The following SHISAL1 variants were observed in gnomAD, a reference collection of about 807,000 sequenced individuals.
The protein encoded by SHISAL1 is shisa like 1.
Under a neutral mutation model 22.6 loss-of-function variants are expected in SHISAL1, and 9 were observed. That is an observed-to-expected ratio of 0.40 (90% CI 0.24 to 0.70). SHISAL1 has a LOEUF of 0.70. Among genes scored for constraint, SHISAL1 ranks in the 30% least tolerant of loss-of-function variants. The probability of loss-of-function intolerance (pLI) is 0.39; values close to 1 mark genes in which losing one functional copy is unlikely to be tolerated. For missense variants in SHISAL1, 246 were observed against 270.6 expected (o/e 0.91, Z 0.64); for synonymous variants, 119 against 115.4 (o/e 1.03, Z -0.20).
intron 4 of SHISAL1, among the ~76,000 whole-genome samples, chr22:44,274,774 CTGTG>C (rs1349185006): frequency 6.6e-6 from 1 of 152,226 alleles, no homozygotes; most frequent in Non-Finnish European, 1.5e-5. Context: ...GCAGTCCTAT[CTGTG>C]TGTGAGCGGG....
At chr22:44,296,594 A>G in intron 3 of SHISAL1, 78 bp downstream of exon 3, 2 of 1,299,018 alleles carry the variant, frequency 1.5e-6, no homozygotes, top group Non-Finnish European at 2.2e-6. Flanking sequence ...CCGCCTCCCT[A>G]GGGGACGCGA....
At chr22:44,274,126 A>G (rs1427960095) in intron 4 of SHISAL1, among the ~76,000 whole-genome samples, 1 of 140,164 alleles carries the variant, frequency 7.1e-6, no homozygotes, top group Non-Finnish European at 1.5e-5. Context: ...GGTGTCTGTA[A>G]TCCCAGCTAC....
At chr22:44,301,161 C>A (rs1170334276) in intron 1 of SHISAL1, among the ~76,000 whole-genome samples, 184 bp from the exon 2 acceptor site, 3 of 152,202 alleles carry the variant, frequency 2.0e-5, no homozygotes, top group African/African-American at 7.2e-5. Context: ...AATGACCTTC[C>A]CCCACAAGCC....
intron 4 of SHISAL1, among the ~76,000 whole-genome samples, chr22:44,263,079 C>CTTTCTTTTTTTTTTTTTT (rs55901041): frequency 1.1e-5 from 1 of 88,268 alleles, no homozygotes; most frequent in Non-Finnish European, 2.2e-5. Flanking sequence ...TTCTTTCTTT[C>CTTTCTTTTTTTTTTTTTT]TTTTTTTTTT....
the SHISAL1 span, among the ~76,000 whole-genome samples, chr22:44,321,882 G>A: frequency 6.6e-6 from 1 of 152,126 alleles, no homozygotes; most frequent in African/African-American, 2.4e-5. Context: ...GGAGCACTCT[G>A]CATGGTCCCT....
chr22:44,328,853 T>A, the SHISAL1 span, among the ~76,000 whole-genome samples: 1 of 150,254 alleles, frequency 6.7e-6, no homozygotes, highest in African/African-American at 2.4e-5. Flanking sequence ...CCCTGCTCCA[T>A]CCCCCAGCCC....
chr22:44,251,660 G>C (rs1161879397), intron 4 of SHISAL1, among the ~76,000 whole-genome samples: 4 of 152,226 alleles, frequency 2.6e-5, no homozygotes, highest in Non-Finnish European at 5.9e-5. Context: ...CAGGCAAAGA[G>C]AGCGAGCAAG....
chr22:44,296,275 T>G (rs2055385276), intron 3 of SHISAL1, among the ~76,000 whole-genome samples: 1 of 152,108 alleles, frequency 6.6e-6, no homozygotes, highest in Admixed American at 6.6e-5. Context: ...TTCTCCTGCC[T>G]CAGCCTCCTG....
intron 4 of SHISAL1, among the ~76,000 whole-genome samples, chr22:44,251,173 G>T (rs2055045150): frequency 6.6e-6 from 1 of 152,324 alleles, no homozygotes; most frequent in East Asian, 1.9e-4. Context: ...CTAAAAGAGG[G>T]TTAAGGTGAT....
intron 4 of SHISAL1, among the ~76,000 whole-genome samples, chr22:44,262,932 G>A (rs1432854645): frequency 6.6e-6 from 1 of 152,154 alleles, no homozygotes; most frequent in Non-Finnish European, 1.5e-5. Flanking sequence ...AAGCAGAGGA[G>A]TCATGAGGCA....
At chr22:44,324,301 C>T in the SHISAL1 span, among the ~76,000 whole-genome samples, 1 of 152,160 alleles carries the variant, frequency 6.6e-6, no homozygotes, top group Admixed American at 6.5e-5. Context: ...GCTGGCTCCC[C>T]CCTGCCTGGT....
At chr22:44,327,419 T>A in the SHISAL1 span, among the ~76,000 whole-genome samples, 1 of 152,194 alleles carries the variant, frequency 6.6e-6, no homozygotes, top group East Asian at 1.9e-4. Flanking sequence ...GATGAACATT[T>A]CTGACCTGGC....
At chr22:44,312,382 C>T (rs2055525881) in intron 1 of SHISAL1, among the ~76,000 whole-genome samples, 1 of 152,114 alleles carries the variant, frequency 6.6e-6, no homozygotes, top group East Asian at 1.9e-4. Flanking sequence ...CCGGACCCTC[C>T]CCCGAGCCTT....
At chr22:44,291,726 T>G (rs1359853635) in intron 3 of SHISAL1, among the ~76,000 whole-genome samples, 6 of 151,482 alleles carry the variant, frequency 4.0e-5, no homozygotes, top group Non-Finnish European at 8.8e-5. Context: ...GCCCATGCAT[T>G]GTGGGAGATG....
chr22:44,290,538 A>AAAAAAAAAAAC (rs1555928958), intron 3 of SHISAL1, among the ~76,000 whole-genome samples: 19 of 150,674 alleles, frequency 1.3e-4, no homozygotes, highest in East Asian at 1.9e-4. Flanking sequence ...TCAAAAAAAA[A>AAAAAAAAAAAC]AAAAAACAAA....
chr22:44,253,901 A>G (rs1355941220), intron 4 of SHISAL1, among the ~76,000 whole-genome samples: 7 of 152,124 alleles, frequency 4.6e-5, no homozygotes, highest in Non-Finnish European at 2.9e-5. Flanking sequence ...TTGAAAGTGC[A>G]TACACCAAAA....
the SHISAL1 span, among the ~76,000 whole-genome samples, chr22:44,329,750 G>A: frequency 6.6e-6 from 1 of 152,184 alleles, no homozygotes; most frequent in South Asian, 2.1e-4. Context: ...AGATTCAGGG[G>A]ATGGGGAGCG....
intron 2 of SHISAL1, among the ~76,000 whole-genome samples, chr22:44,299,080 G>A (rs1034000382): frequency 2.0e-5 from 3 of 152,212 alleles, no homozygotes; most frequent in African/African-American, 7.2e-5. Flanking sequence ...TAAACAGCAA[G>A]GCGCAGCCCC....
rs188388240 is a variant in SHISAL1, at chr22:44,279,036, T to C, written c.599+6392A>G. ...GAGACTAGGGAGGGCCAGCAACTCG[T>C]CCGAGGACACACAGCAGGTGGAGTC... is the stretch of plus-strand genomic sequence containing the variant. On this transcript the variant is annotated intron_variant, in intron 4 of 4. Transcript: ENST00000381176. 2.2e-4 allele frequency among the ~76,000 whole-genome samples: 33 copies of C among 152,266 alleles called. No individual in the cohort carries two copies. In the East Asian group the frequency reaches 5.6e-3, roughly 26 times the overall value.
Sources: allele counts gnomAD v4.1 joint callset (sites outside exome capture counted in the v4.1 genomes callset), GRCh38; gene constraint gnomAD v4.1.1; transcripts MANE v1.5; gene names NCBI Gene and HGNC (gene_info 2026-07-23, HGNC 2026-07-21).